The following BCL3 variants were observed in gnomAD, a reference collection of about 807,000 sequenced individuals.
BCL3 encodes B-cell lymphoma 3 protein.
In BCL3, 15 loss-of-function variants were observed where a neutral mutation model predicts 35.7. The ratio of observed to expected loss-of-function variants is 0.42; its 90% CI spans 0.28 to 0.65. The LOEUF (loss-of-function observed/expected upper bound fraction) is 0.65. Ranked by LOEUF, BCL3 falls within the 30% of genes least tolerant of loss-of-function variation. The probability of loss-of-function intolerance (pLI) is 0.22; values close to 1 mark genes in which losing one functional copy is unlikely to be tolerated. For synonymous variants in BCL3, 311 were observed against 284.3 expected (o/e 1.09, Z -0.95); for missense variants, 565 against 641.7 (o/e 0.88, Z 1.29).
chr19:44,749,072 CG>C, intron 1 of BCL3, 26 bp downstream of exon 1: 1 of 1,243,220 alleles, frequency 8.0e-7, no homozygotes, highest in Non-Finnish European at 1.0e-6. Flanking sequence ...GGGTCCGGGC[CG>C]GGTGGGATCC....
At chr19:44,759,087 T>G (rs112352344) in intron 8 of BCL3, among the ~76,000 whole-genome samples, 1 of 53,248 alleles carries the variant, frequency 1.9e-5, no homozygotes, top group East Asian at 6.3e-4. Flanking sequence ...TCCTCCCTCA[T>G]ACCCCCAGCC....
At position 44,757,581 on chromosome 19, in the gene BCL3, G is replaced by A. The variant is rs1967321238; in HGVS notation, c.814-65G>A. The A allele has an allele frequency of 2.5e-6, 4 of 1,584,204 alleles. No homozygotes were observed. In the East Asian group the frequency reaches 9.0e-5, roughly 36 times the overall value. On this transcript the variant is annotated intron_variant, in intron 5 of 8. Transcript: ENST00000164227. The surrounding 1 kb of genome is among the most constrained non-coding windows in gnomAD (Gnocchi z 8.4). ...GGACCCCGCGAATGGGATGTGGACG[G>A]GATGCGGGTCGCCGGCTGCTGGAGC...
intron 1 of BCL3, among the ~76,000 whole-genome samples, chr19:44,750,436 T>C (rs1030553259): frequency 1.3e-5 from 2 of 151,758 alleles, no homozygotes; most frequent in East Asian, 1.9e-4. Context: ...GTAGCTGGGA[T>C]TACAGGCATG....
intron 2 of BCL3, among the ~76,000 whole-genome samples, chr19:44,752,304 G>GA (rs1967196729): frequency 6.7e-6 from 1 of 150,336 alleles, no homozygotes; most frequent in Non-Finnish European, 1.5e-5. Flanking sequence ...GGGCTCAAAT[G>GA]ATCCTCCCAC....
At chr19:44,756,585 GGATCTGGA>G (rs1967290524) in intron 3 of BCL3, among the ~76,000 whole-genome samples, 2 of 144,526 alleles carry the variant, frequency 1.4e-5, no homozygotes, top group African/African-American at 5.3e-5. Flanking sequence ...GGAGGGCTGG[GGATCTGGA>G]CTCCTGGGTC....
chr19:44,758,512 G>T, intron 7 of BCL3, 99 bp downstream of exon 7: 1 of 1,455,614 alleles, frequency 6.9e-7, no homozygotes, highest in Non-Finnish European at 9.2e-7. Context: ...GGGTGTCTGT[G>T]CCGTTGCGTG....
At chr19:44,748,099 G>C, upstream of BCL3, 1 of 1,333,230 alleles carries the variant, frequency 7.5e-7, no homozygotes, top group Non-Finnish European at 9.8e-7. Context: ...GCTCAGAGAG[G>C]GGAAGTGTTT....
At chr19:44,758,445 G>A in intron 7 of BCL3, 32 bp downstream of exon 7, 4 of 1,527,802 alleles carry the variant, frequency 2.6e-6, no homozygotes, top group Non-Finnish European at 3.5e-6. Flanking sequence ...CATGCCCCTT[G>A]CACACGTGTG....
chr19:44,756,724 C>G (rs537426648), intron 3 of BCL3, among the ~76,000 whole-genome samples: 1 of 147,390 alleles, frequency 6.8e-6, no homozygotes, highest in South Asian at 2.2e-4. Flanking sequence ...TCTGGGGCCT[C>G]GGACTGGTTG....
intron 8 of BCL3, 23 bp from the exon 9 acceptor site, chr19:44,759,405 C>T (rs762139609): frequency 1.9e-6 from 3 of 1,545,266 alleles, no homozygotes; most frequent in South Asian, 1.1e-5. Context: ...CCACCCACCC[C>T]TCTGTCTCTC....
intron 2 of BCL3, among the ~76,000 whole-genome samples, chr19:44,754,000 G>T (rs2122290512): frequency 6.6e-6 from 1 of 152,306 alleles, no homozygotes; most frequent in South Asian, 2.1e-4. Flanking sequence ...CAAAACTTAA[G>T]AATTTCACGA....
At chr19:44,748,570 C>T, upstream of BCL3, 1 of 379,276 alleles carries the variant, frequency 2.6e-6, no homozygotes, top group East Asian at 1.4e-4. Flanking sequence ...GGGCAGGCTG[C>T]ACCTCAGAGC....
chr19:44,757,011 C>T lies in BCL3; in HGVS notation c.520-6C>T, dbSNP rs1245414429. On this transcript the variant is annotated splice_polypyrimidine_tract_variant and splice_region_variant and intron_variant, in intron 3 of 8. Coordinates refer to ENST00000164227, the MANE Select transcript of BCL3 (RefSeq NM_005178.5). The surrounding 1 kb of genome is among the most constrained non-coding windows in gnomAD (Gnocchi z 8.4). Reference sequence around the variant, plus strand: ...ACACAGGTCCCTCACAGTCACTGTTCCCCAGACACCGCTCCACCTGGCTGT... The same window carrying T: ...ACACAGGTCCCTCACAGTCACTGTTTCCCAGACACCGCTCCACCTGGCTGT... 6.3e-7 allele frequency: 1 copy of T among 1,596,606 alleles called. No individual in the cohort carries two copies. The highest frequency in any genetic ancestry group is 8.6e-7 in the Non-Finnish European group (1 of 1,168,460).
In BCL3 at chr19:44,748,720, GGC is replaced by G; in HGVS notation, c.-68_-67del. ...TTCAGCCGGCTGCAGGGGAAGTCCC[GGC>G]GCCCGGCGAAACCACCCTCCCGTGC... On this transcript the variant is annotated 5_prime_UTR_variant, in exon 1 of 9. Transcript: ENST00000164227. 1 of 1,061,542 alleles carries G rather than the reference GGC, an allele frequency of 9.4e-7. No individual in the cohort carries two copies. The highest frequency in any genetic ancestry group is 6.2e-5 in the East Asian group (1 of 16,102). 65.8% of individuals were successfully genotyped at this position (1,061,542 alleles called of 1,614,324 possible).
In BCL3 at chr19:44,759,737, T is replaced by A. The variant is rs1967390809; in HGVS notation, c.*122T>A. On this transcript the variant is annotated 3_prime_UTR_variant, in exon 9 of 9. Transcript: ENST00000164227. ...CCCCCCCCATCTTCGGGACCAGGATTTGCACAGAAGCACATGCACCTACCC... is the reference window on the plus strand; with the variant it reads ...CCCCCCCCATCTTCGGGACCAGGATATGCACAGAAGCACATGCACCTACCC... The A allele has an allele frequency of 1.8e-6, 1 of 551,086 alleles. No homozygotes were observed. The highest frequency in any genetic ancestry group is 2.0e-5 in the South Asian group (1 of 49,356). 34.1% of individuals were successfully genotyped at this position (551,086 alleles called of 1,614,324 possible). A position where few individuals can be genotyped will look rare whatever the true frequency, so the allele number is the denominator to read the frequency against.
At chr19:44,751,568 G>A (rs1268787463) in intron 2 of BCL3, among the ~76,000 whole-genome samples, 188 bp downstream of exon 2, 1 of 152,150 alleles carries the variant, frequency 6.6e-6, no homozygotes, top group Non-Finnish European at 1.5e-5. Flanking sequence ...CACCTTGAGA[G>A]CATTTACCTC....
intron 2 of BCL3, among the ~76,000 whole-genome samples, chr19:44,754,572 T>G (rs1599840699): frequency 7.1e-6 from 1 of 140,492 alleles, no homozygotes; most frequent in South Asian, 2.4e-4. Flanking sequence ...CCCCACCCCC[T>G]GCGGCCCGCG....
chr19:44,749,042 C>A lies in BCL3; in HGVS notation c.252C>A (p.Tyr84Ter). The A allele has an allele frequency of 7.5e-7, 1 of 1,341,612 alleles. No homozygotes were observed. The highest frequency in any genetic ancestry group is 3.8e-5 in the Admixed American group (1 of 26,198). 83.1% of individuals were successfully genotyped at this position (1,341,612 alleles called of 1,614,324 possible). The change falls in exon 1 of 9, where the codon TAC becomes TAA. Residue 84 changes from tyrosine to a stop codon, truncating the protein, a stop_gained. Coordinates refer to ENST00000164227, the MANE Select transcript of BCL3 (RefSeq NM_005178.5). LOFTEE classifies it high-confidence loss of function. ...HGLARPEALY[Y>*]PGALLPLYPT... ...TGGCCCGGCCGGAGGCGCTTTACTA[C>A]CCCGGTGAGTGGCCCCCGAGGGTCC...
intron 7 of BCL3, 121 bp from the exon 8 acceptor site, chr19:44,758,603 T>C: frequency 8.0e-7 from 1 of 1,255,520 alleles, no homozygotes; most frequent in South Asian, 1.3e-5. Context: ...AAAAAGTGCC[T>C]TGCCCATCTT....
Sources: allele counts gnomAD v4.1 joint callset (sites outside exome capture counted in the v4.1 genomes callset), GRCh38; gene constraint gnomAD v4.1.1; non-coding constraint Gnocchi (gnomAD v3.1); transcripts MANE v1.5; gene names NCBI Gene and HGNC (gene_info 2026-07-23, HGNC 2026-07-21).